The following COL12A1 variants were observed in gnomAD, a reference collection of about 807,000 sequenced individuals.
COL12A1 encodes the protein collagen type XII alpha 1 chain, also known as collagen alpha-1(XII) chain.
A neutral mutation model predicts 349.7 loss-of-function variants in COL12A1; 114 were observed. The observed-to-expected ratio is 0.33, with a 90% CI of 0.28 to 0.38. The LOEUF is 0.38. COL12A1 is among the 10% of genes least tolerant of loss of function. The probability of loss-of-function intolerance (pLI) is 1.00; values close to 1 mark genes in which losing one functional copy is unlikely to be tolerated. For missense variants in COL12A1, 3,284 were observed against 3,756.9 expected, an observed-to-expected ratio of 0.87 and a Z score of 3.29; for synonymous variants, 1,369 against 1,329.0, an observed-to-expected ratio of 1.03 and a Z score of -0.66.
chr6:75,097,785 CAG>C (rs1768124415), intron 58 of COL12A1, among the ~76,000 whole-genome samples: 2 of 152,184 alleles, frequency 1.3e-5, no homozygotes, highest in South Asian at 2.1e-4. Flanking sequence ...ACTATGGTGG[CAG>C]AGTCTTCCTT....
At chr6:75,185,617 A>G (rs1372477958) in intron 8 of COL12A1, among the ~76,000 whole-genome samples, 3 of 152,214 alleles carry the variant, frequency 2.0e-5, no homozygotes, top group Non-Finnish European at 4.4e-5. Flanking sequence ...AGAAACACCT[A>G]TTTTAAATTT....
In COL12A1 at chr6:75,192,280, T is replaced by G. The variant is rs1278211393; in HGVS notation, c.266A>C (p.Glu89Ala). 1.2e-5 allele frequency: 19 copies of G among 1,611,360 alleles called. No individual in the cohort carries two copies. Among genetic ancestry groups the G allele is most frequent in the Non-Finnish European group, 1.4e-5 (16 of 1,178,248 alleles). Residue 89 changes from glutamate (E) to alanine (A), a missense_variant, in exon 4 of 66, where the codon GAG (glutamate) becomes GCG (alanine). By Grantham distance (107) the Glu-to-Ala change is moderately radical. This residue lies in a region of COL12A1 where 2,601 missense variants were observed against 2,824.8 expected (regional missense o/e 0.92). Transcript: ENST00000322507. ...TLLSELVPET[E>A]YVVTITSYDE... ...ATATGAAGTTATTGTCACCACATAC[T>G]CTGTTTCAGGTACAAGTTCTGACAA...
Position 75,152,036 on chromosome 6 carries a change from T to C in COL12A1, c.3836-5A>G, listed in dbSNP as rs2149416990. On this transcript the variant is annotated splice_polypyrimidine_tract_variant and splice_region_variant and intron_variant, in intron 19 of 65. Coordinates refer to ENST00000322507, the MANE Select transcript of COL12A1 (RefSeq NM_004370.6). ...GAATGAAATTCAAAGCCATGCCTAG[T>C]GGGATTTTTAAAAGAGAATCAGTCA... The C allele has an allele frequency of 6.2e-7, 1 of 1,613,762 alleles. No individual in the cohort carries two copies. Among genetic ancestry groups the C allele is most frequent in the African/African-American group, 1.3e-5 (1 of 74,988 alleles).
chr6:75,172,142 T>C lies in COL12A1; in HGVS notation c.2710+2896A>G, dbSNP rs186866647. On this transcript the variant is annotated intron_variant, in intron 13 of 65. Transcript: ENST00000322507. Reference sequence around the variant, plus strand: ...TTCTTATCAAAGACACGTGCGTGTGTGTATACTCACACATGCGTACAAGTT... The same window carrying C: ...TTCTTATCAAAGACACGTGCGTGTGCGTATACTCACACATGCGTACAAGTT... Among the ~76,000 whole-genome samples, 134 of 152,368 alleles carry C rather than the reference T, an allele frequency of 8.8e-4. 2 individuals are homozygous for C. Among genetic ancestry groups the C allele is most frequent in the Admixed American group, 7.8e-3 (120 of 15,306 alleles).
In COL12A1 at chr6:75,175,318, A is replaced by T. The variant is rs1768880177; in HGVS notation, c.2438-8T>A. 6.2e-7 allele frequency: 1 copy of T among 1,603,050 alleles called. No individual in the cohort carries two copies. The highest frequency in any genetic ancestry group is 1.7e-5 in the Admixed American group (1 of 57,538). On this transcript the variant is annotated splice_region_variant and splice_polypyrimidine_tract_variant and intron_variant, in intron 12 of 65. Coordinates refer to ENST00000322507, the MANE Select transcript of COL12A1 (RefSeq NM_004370.6). ...CTCTTGGATTCCCTCTAACTTCATT[A>T]AAAAATGACAACATCATCAAAACCC...
intron 42 of COL12A1, among the ~76,000 whole-genome samples, chr6:75,123,687 C>T (rs747000142): frequency 2.0e-5 from 3 of 152,164 alleles, no homozygotes; most frequent in Non-Finnish European, 4.4e-5. Flanking sequence ...TATGAATTCA[C>T]CTTCTCAGCG....
chr6:75,087,119 A>C (rs938206355), intron 65 of COL12A1: 1 of 157,422 alleles, frequency 6.4e-6, no homozygotes, highest in African/African-American at 2.4e-5. Flanking sequence ...TATAAATATT[A>C]ATTCCATGGC....
At chr6:75,104,442 A>G (rs1214277021) in intron 54 of COL12A1, among the ~76,000 whole-genome samples, 1 of 152,184 alleles carries the variant, frequency 6.6e-6, no homozygotes, top group Non-Finnish European at 1.5e-5. Context: ...AAATCGGTCT[A>G]CATTATTTGC....
In COL12A1 at chr6:75,090,187, G is replaced by T; in HGVS notation, c.8864C>A (p.Ala2955Asp). ...GPPGPPGSAGARGEPGPGGRP... is the reference protein window; with the variant it reads ...GPPGPPGSAGDRGEPGPGGRP... ...CCCCCCAGGCCCAGGTTCTCCTCTG[G>T]CTCCTGCGCTACCAGGAGGTCCCGG... The change falls in exon 63 of 66, where the codon GCC becomes GAC. Residue 2955 changes from alanine to aspartate, a missense_variant. Coordinates refer to ENST00000322507, the MANE Select transcript of COL12A1 (RefSeq NM_004370.6). This position sits in a 1 kb window ranked among gnomAD's most constrained non-coding sequence, Gnocchi z 4.1. The T allele has an allele frequency of 1.2e-6, 2 of 1,614,036 alleles. No homozygotes were observed. The highest frequency in any genetic ancestry group is 2.2e-5 in the East Asian group (1 of 44,852).
chr6:75,091,229 AATCT>A, intron 62 of COL12A1, 90 bp downstream of exon 62: 2 of 995,762 alleles, frequency 2.0e-6, no homozygotes, highest in East Asian at 2.4e-5. Flanking sequence ...ATGAAAGAGA[AATCT>A]ATCTCTTAGA....
At chr6:75,158,380 A>G (rs1767862584) in intron 14 of COL12A1, among the ~76,000 whole-genome samples, 1 of 152,148 alleles carries the variant, frequency 6.6e-6, no homozygotes, top group African/African-American at 2.4e-5. Flanking sequence ...AGGTGACCAC[A>G]CACCAGGAAG....
intron 13 of COL12A1, among the ~76,000 whole-genome samples, chr6:75,173,344 G>T (rs1227401791): frequency 6.6e-6 from 1 of 151,940 alleles, no homozygotes; most frequent in Admixed American, 6.6e-5. Context: ...AGATTTCATG[G>T]ACTATGGAAA....
In COL12A1 at chr6:75,105,210, G is replaced by T; in HGVS notation, c.8261C>A (p.Pro2754His). ...GATCTATTTCAATTTCCTTACTGCA[G>T]GGCCTGGAGGTCCTGGAGGTCCAAC... ...DSVGPPGPPGPAGGPGAKGPR... is the reference protein window; with the variant it reads ...DSVGPPGPPGHAGGPGAKGPR... Residue 2754 changes from proline (P) to histidine (H), a missense_variant, in exon 54 of 66, where the codon CCT becomes CAT. Around this residue, in one of 2 missense-constraint regions of COL12A1, gnomAD observed 683 missense variants for 932.1 expected, o/e 0.73. Coordinates refer to ENST00000322507, the MANE Select transcript of COL12A1 (RefSeq NM_004370.6). The T allele has an allele frequency of 6.2e-7, 1 of 1,612,610 alleles. No individual in the cohort carries two copies.
chr6:75,204,908 A>G (rs879391718), intron 1 of COL12A1, among the ~76,000 whole-genome samples: 8 of 151,892 alleles, frequency 5.3e-5, no homozygotes, highest in Non-Finnish European at 5.9e-5. Context: ...CCCAGCATTC[A>G]CTAGAAGACT....
chr6:75,144,130 ATC>A (rs1366380405), intron 25 of COL12A1, among the ~76,000 whole-genome samples: 2 of 151,958 alleles, frequency 1.3e-5, no homozygotes, highest in African/African-American at 2.4e-5. Context: ...TATCTTGTGT[ATC>A]TCTCTCTGCC....
chr6:75,188,237 G>A (rs1769736334), intron 8 of COL12A1, 125 bp downstream of exon 8: 2 of 991,468 alleles, frequency 2.0e-6, no homozygotes, highest in South Asian at 1.8e-5. Flanking sequence ...ACAATACAGT[G>A]GAGTATACAA....
chr6:75,179,392 A>G (rs1183712819), intron 11 of COL12A1, among the ~76,000 whole-genome samples: 2 of 152,164 alleles, frequency 1.3e-5, no homozygotes, highest in African/African-American at 4.8e-5. Flanking sequence ...ATCGAGCAGC[A>G]GTGTGGGCAT....
chr6:75,178,336 A>G (rs1413102307), intron 11 of COL12A1, among the ~76,000 whole-genome samples: 1 of 152,222 alleles, frequency 6.6e-6, no homozygotes, highest in Admixed American at 6.5e-5. Flanking sequence ...AAACTAGGAA[A>G]ATAACACCTA....
intron 17 of COL12A1, among the ~76,000 whole-genome samples, chr6:75,154,188 TTAAG>T (rs1767635595): frequency 6.6e-6 from 1 of 151,798 alleles, no homozygotes; most frequent in South Asian, 2.1e-4. Flanking sequence ...ATGTAATAAT[TTAAG>T]TATGAAATAA....
Sources: allele counts gnomAD v4.1 joint callset (sites outside exome capture counted in the v4.1 genomes callset), GRCh38; gene constraint gnomAD v4.1.1; regional missense constraint gnomAD v4.1.1; non-coding constraint Gnocchi (gnomAD v3.1); transcripts MANE v1.5; gene names NCBI Gene and HGNC (gene_info 2026-07-23, HGNC 2026-07-21).